DCLRE1C: variants seen among roughly 807,000 people sequenced by gnomAD.
The protein encoded by DCLRE1C is protein artemis.
A neutral mutation model predicts 61.4 loss-of-function variants in DCLRE1C; 47 were observed. That is an observed-to-expected ratio of 0.77 (90% confidence interval 0.61 to 0.98). The LOEUF (loss-of-function observed/expected upper bound fraction) is 0.98, where lower values mean the gene tolerates loss of function less well. Among genes scored for constraint, DCLRE1C ranks in the 50% least tolerant of loss-of-function variants. The pLI is 0.00. For synonymous variants in DCLRE1C, 337 were observed against 287.6 expected (o/e 1.17, Z -1.74); for missense variants, 858 against 816.0 (o/e 1.05, Z -0.63).
At chr10:14,937,449 A>AT (rs1840131576) in intron 4 of DCLRE1C, among the ~76,000 whole-genome samples, 1 of 151,748 alleles carries the variant, frequency 6.6e-6, no homozygotes, top group Non-Finnish European at 1.5e-5. Flanking sequence ...CGCCTGGCTA[A>AT]TTTTTTGTAT....
At chr10:14,900,049 G>A (rs75914702), downstream of DCLRE1C, among the ~76,000 whole-genome samples, 25 of 152,132 alleles carry the variant, frequency 1.6e-4, no homozygotes, top group African/African-American at 5.1e-4. Context: ...AAGTTAACAC[G>A]ACTACATTTT....
chr10:14,950,357 C>CAAAAAAAAAAAAAAAAAAAAAAA, intron 1 of DCLRE1C, among the ~76,000 whole-genome samples: 1 of 71,298 alleles, frequency 1.4e-5, no homozygotes, highest in Non-Finnish European at 3.1e-5. Context: ...AAATAATAAC[C>CAAAAAAAAAAAAAAAAAAAAAAA]AAAAAAAAAA....
At chr10:14,939,012 G>A (rs1840437085) in intron 4 of DCLRE1C, among the ~76,000 whole-genome samples, 1 of 152,200 alleles carries the variant, frequency 6.6e-6, no homozygotes, top group South Asian at 2.1e-4. Context: ...TTATTAGGAG[G>A]CTTTTGGGAG....
upstream of DCLRE1C, chr10:14,954,431 C>T (rs1376333040): frequency 3.3e-6 from 1 of 305,008 alleles, no homozygotes; most frequent in East Asian, 8.0e-5. Context: ...TTCTTCGTTC[C>T]GCTTCCTGCT....
intron 13 of DCLRE1C, among the ~76,000 whole-genome samples, chr10:14,913,843 TGG>T (rs529670075): frequency 6.6e-6 from 1 of 152,058 alleles, no homozygotes; most frequent in South Asian, 2.1e-4. Context: ...TTGGTACTCT[TGG>T]GGGGGTCCTG....
chr10:14,917,342 TTTC>T (rs1437626291), intron 13 of DCLRE1C, among the ~76,000 whole-genome samples: 13 of 152,108 alleles, frequency 8.5e-5, no homozygotes, highest in Non-Finnish European at 1.5e-4. Context: ...GGGTCAAAGA[TTTC>T]TTAGATATGA....
intron 9 of DCLRE1C, 59 bp downstream of exon 9, chr10:14,932,795 C>G: frequency 1.3e-6 from 2 of 1,592,458 alleles, no homozygotes; most frequent in Non-Finnish European, 1.7e-6. Context: ...GAAGCCCTGA[C>G]CTTTCTTCTT....
rs1046285405 is a variant in DCLRE1C, at chr10:14,908,212, G to A, written c.*196C>T. The A allele has an allele frequency of 2.7e-6, 1 of 369,830 alleles. No homozygotes were observed. Among genetic ancestry groups the A allele is most frequent in the Non-Finnish European group, 4.7e-6 (1 of 212,362 alleles). The allele number at this position is 369,830 out of a possible 1,614,324, so 22.9% of individuals were successfully genotyped here. A position where few individuals can be genotyped will look rare whatever the true frequency, so the allele number is the denominator to read the frequency against. On this transcript the variant is annotated 3_prime_UTR_variant, in exon 14 of 14. Coordinates refer to ENST00000378278, the MANE Select transcript of DCLRE1C (RefSeq NM_001033855.3). ...TGTAAGTAGAGACACATTTCACTGTGTTGGCCAGGCTGGTGTCGAACTCCT... is the reference window on the plus strand; with the variant it reads ...TGTAAGTAGAGACACATTTCACTGTATTGGCCAGGCTGGTGTCGAACTCCT...
At position 14,906,582 on chromosome 10, in the gene DCLRE1C, A is replaced by G. The variant is rs1834411286; in HGVS notation, c.*1826T>C. On this transcript the variant is annotated 3_prime_UTR_variant, in exon 14 of 14. Transcript: ENST00000378278. Reference sequence around the variant, plus strand: ...TATACAAATGTGTATAGTTATGTGTATACTAACTCTGAGTCTTGTTACCCT... The same window carrying G: ...TATACAAATGTGTATAGTTATGTGTGTACTAACTCTGAGTCTTGTTACCCT... 6.6e-6 allele frequency among the ~76,000 whole-genome samples: 1 copy of G among 152,260 alleles called. No individual in the cohort carries two copies. Among genetic ancestry groups the G allele is most frequent in the African/African-American group, 2.4e-5 (1 of 41,474 alleles).
At chr10:14,954,231 G>A (rs1842863909), upstream of DCLRE1C, 2 of 685,832 alleles carry the variant, frequency 2.9e-6, no homozygotes, top group South Asian at 1.7e-5. Flanking sequence ...CCCGCGCTTC[G>A]CTGCACGCGA....
rs528458946 is a variant in DCLRE1C, at chr10:14,906,921, C to T, written c.*1487G>A. On this transcript the variant is annotated 3_prime_UTR_variant, in exon 14 of 14. Transcript: ENST00000378278. ...TTGAGATGGGGTCTTGCTTTGTTGC[C>T]CAGGCTGGGCACAATCAGCTCACTG... is the stretch of plus-strand genomic sequence containing the variant. Among the ~76,000 whole-genome samples, 5 of 151,650 alleles carry T rather than the reference C, an allele frequency of 3.3e-5. No homozygotes were observed. Among genetic ancestry groups the T allele is most frequent in the African/African-American group, 1.2e-4 (5 of 41,240 alleles).
At chr10:14,922,258 T>C (rs1361307515) in intron 12 of DCLRE1C, among the ~76,000 whole-genome samples, 2 of 152,090 alleles carry the variant, frequency 1.3e-5, no homozygotes, top group African/African-American at 2.4e-5. Flanking sequence ...CTGGTCAACA[T>C]GGCAAAACCT....
At chr10:14,912,192 A>C (rs1262974431) in intron 13 of DCLRE1C, among the ~76,000 whole-genome samples, 1 of 152,222 alleles carries the variant, frequency 6.6e-6, no homozygotes, top group Non-Finnish European at 1.5e-5. Flanking sequence ...CTAGAATTAC[A>C]GGCTTGAGCC....
chr10:14,931,562 AAAAAC>A (rs1398693273), intron 9 of DCLRE1C, among the ~76,000 whole-genome samples: 34 of 151,630 alleles, frequency 2.2e-4, no homozygotes, highest in African/African-American at 8.0e-4. Context: ...TCTCAAACAA[AAAAAC>A]AAAACAACAA....
downstream of DCLRE1C, chr10:14,903,932 G>A (rs1023228529): frequency 2.0e-5 from 3 of 152,104 alleles, no homozygotes; most frequent in Non-Finnish European, 4.4e-5. Context: ...ATATTGCTAT[G>A]ACAACTTCAC....
chr10:14,934,840 T>A (rs1839638644), intron 6 of DCLRE1C, 65 bp from the exon 7 acceptor site: 3 of 1,214,644 alleles, frequency 2.5e-6, no homozygotes, highest in South Asian at 1.2e-5. Flanking sequence ...ACTTTTTTTG[T>A]TTTTTGAGAT....
downstream of DCLRE1C, among the ~76,000 whole-genome samples, chr10:14,900,835 A>T (rs1384401723): frequency 6.6e-6 from 1 of 152,118 alleles, no homozygotes; most frequent in Non-Finnish European, 1.5e-5. Flanking sequence ...GAAATTCTCC[A>T]GGAAAAAAAA....
At chr10:14,899,275 G>A (rs911550454) in exon 14 of DCLRE1C, 1 of 702,002 alleles carries the variant, frequency 1.4e-6, no homozygotes, top group South Asian at 1.5e-5. Flanking sequence ...AGTCATGATG[G>A]CACCACCGCA....
chr10:14,949,177 A>G, intron 1 of DCLRE1C, 90 bp from the exon 2 acceptor site: 2 of 886,210 alleles, frequency 2.3e-6, no homozygotes, highest in Non-Finnish European at 3.7e-6. Context: ...TTCAGCTTCA[A>G]GAGAAAACCC....
Sources: gnomAD v4.1 joint callset for allele counts (sites outside exome capture counted in the v4.1 genomes callset) on GRCh38, gnomAD v4.1.1 for gene constraint, MANE v1.5 for transcripts, NCBI Gene and HGNC (gene_info 2026-07-23, HGNC 2026-07-21) for gene names.